Variants in PANK1 observed in about 807,000 individuals in gnomAD.
The protein encoded by PANK1 is pantothenate kinase 1.
Under a neutral mutation model 40.1 loss-of-function variants are expected in PANK1, and 18 were observed. That is an observed-to-expected ratio of 0.45 (90% CI 0.31 to 0.67). PANK1 has a LOEUF of 0.67. PANK1 is among the 30% of genes least tolerant of loss of function. The probability of loss-of-function intolerance (pLI) is 0.06; values close to 1 mark genes in which losing one functional copy is unlikely to be tolerated. For synonymous variants in PANK1, 242 were observed against 237.7 expected (o/e 1.02, Z -0.17); for missense variants, 457 against 599.6 (o/e 0.76, Z 2.48).
At chr10:89,625,611 C>T (rs1845638910) in intron 1 of PANK1, 1 of 152,164 alleles carries the variant, frequency 6.6e-6, no homozygotes, top group Non-Finnish European at 1.5e-5. Context: ...CGCAGACAGA[C>T]ATTCTTTGAT....
At chr10:89,621,729 A>C (rs11185811) in intron 1 of PANK1, among the ~76,000 whole-genome samples, 1 of 151,834 alleles carries the variant, frequency 6.6e-6, no homozygotes, top group Non-Finnish European at 1.5e-5. Flanking sequence ...TTTTACTTTT[A>C]GGGGGATGGA....
At chr10:89,603,566 T>C (rs1844850770) in intron 2 of PANK1, among the ~76,000 whole-genome samples, 1 of 152,078 alleles carries the variant, frequency 6.6e-6, no homozygotes, top group Admixed American at 6.5e-5. Context: ...TGTGGGTCAG[T>C]GGGTTAAGTT....
intron 5 of PANK1, 49 bp from the exon 6 acceptor site, chr10:89,588,826 AT>A: frequency 7.0e-7 from 1 of 1,435,676 alleles, no homozygotes; most frequent in East Asian, 2.4e-5. Flanking sequence ...TAAAAATAGC[AT>A]TTGGCAAAGA....
chr10:89,617,945 G>C (rs921359822), intron 1 of PANK1, among the ~76,000 whole-genome samples: 4 of 152,188 alleles, frequency 2.6e-5, no homozygotes, highest in Admixed American at 6.5e-5. Context: ...AACCTCTGGA[G>C]CCCTCAACTC....
chr10:89,610,541 G>T (rs1845121975), intron 2 of PANK1, among the ~76,000 whole-genome samples: 1 of 152,038 alleles, frequency 6.6e-6, no homozygotes, highest in Admixed American at 6.5e-5. Context: ...TGCCCTTACA[G>T]AAACTTACTA....
chr10:89,597,825 A>C (rs1465760722), intron 3 of PANK1, among the ~76,000 whole-genome samples: 2 of 152,232 alleles, frequency 1.3e-5, no homozygotes, highest in African/African-American at 4.8e-5. Context: ...ACTCAGCTGA[A>C]ATATTCATGT....
Position 89,645,029 on chromosome 10 carries a change from G to C in PANK1, c.-138C>G. The C allele has an allele frequency of 6.4e-7, 1 of 1,566,090 alleles. No homozygotes were observed. Among genetic ancestry groups the C allele is most frequent in the Non-Finnish European group, 8.6e-7 (1 of 1,160,206 alleles). On this transcript the variant is annotated 5_prime_UTR_variant, in exon 1 of 7. Transcript: ENST00000307534. ...CGCAGAGCCGGCGCCTGGGGATGGC[G>C]AACCCGGCGCTCCTCCCCTCCTCCT...
chr10:89,584,250 A>C lies in PANK1; in HGVS notation c.*156T>G. The C allele has an allele frequency of 1.7e-6, 1 of 605,004 alleles. No homozygotes were observed. Among genetic ancestry groups the C allele is most frequent in the South Asian group, 2.6e-5 (1 of 38,424 alleles). 37.5% of individuals were successfully genotyped at this position (605,004 alleles called of 1,614,324 possible). On this transcript the variant is annotated 3_prime_UTR_variant, in exon 7 of 7. Coordinates refer to ENST00000307534, the MANE Select transcript of PANK1 (RefSeq NM_148977.3). Reference sequence around the variant, plus strand: ...ATCATTAGCTCAAAACCTAAGAGTAAAAGATCATCTGGAAGGATTTTAAAT... The same window carrying C: ...ATCATTAGCTCAAAACCTAAGAGTACAAGATCATCTGGAAGGATTTTAAAT...
intron 1 of PANK1, among the ~76,000 whole-genome samples, chr10:89,630,669 T>A (rs1403831009): frequency 6.6e-6 from 1 of 152,122 alleles, no homozygotes; most frequent in Non-Finnish European, 1.5e-5. Flanking sequence ...ATTTTTTGTA[T>A]TTTTAGTAGA....
chr10:89,598,237 A>C (rs1170599326), intron 3 of PANK1, among the ~76,000 whole-genome samples: 1 of 152,216 alleles, frequency 6.6e-6, no homozygotes, highest in Non-Finnish European at 1.5e-5. Flanking sequence ...ATCACAAGTC[A>C]TGGAAATGTA....
At chr10:89,623,594 C>T (rs920585427) in intron 1 of PANK1, among the ~76,000 whole-genome samples, 1 of 151,816 alleles carries the variant, frequency 6.6e-6, no homozygotes, top group African/African-American at 2.4e-5. Context: ...TTCTTAAAAA[C>T]TTCTCTGTAA....
At chr10:89,592,609 C>T (rs1844432224) in intron 5 of PANK1, 4 of 449,346 alleles carry the variant, frequency 8.9e-6, no homozygotes, top group South Asian at 4.8e-5. Flanking sequence ...CTTTATACAC[C>T]TTGTATTTCA....
At chr10:89,606,909 T>TTG (rs1844982562) in intron 2 of PANK1, among the ~76,000 whole-genome samples, 1 of 152,226 alleles carries the variant, frequency 6.6e-6, no homozygotes, top group South Asian at 2.1e-4. Flanking sequence ...TGGATTAGAC[T>TTG]TTGGCTTAAG....
chr10:89,614,137 T>C (rs1026508120), intron 1 of PANK1: 7 of 413,968 alleles, frequency 1.7e-5, no homozygotes, highest in African/African-American at 1.4e-4. Context: ...TGTTAACAAG[T>C]GCCTGGGCTA....
intron 1 of PANK1, among the ~76,000 whole-genome samples, chr10:89,612,595 A>T (rs541092774): frequency 8.5e-5 from 13 of 152,342 alleles, no homozygotes; most frequent in Admixed American, 5.2e-4. Flanking sequence ...AGAAGATGTG[A>T]TTCCACTGTT....
intron 1 of PANK1, among the ~76,000 whole-genome samples, chr10:89,633,462 A>C (rs1156397565): frequency 1.3e-5 from 2 of 152,204 alleles, no homozygotes; most frequent in Non-Finnish European, 2.9e-5. Context: ...AGAAGATCTG[A>C]TTATCTCCTT....
intron 2 of PANK1, among the ~76,000 whole-genome samples, chr10:89,604,593 C>T (rs75741871): frequency 2.1e-5 from 3 of 145,138 alleles, no homozygotes; most frequent in African/African-American, 7.7e-5. Context: ...ACTTGGGAGG[C>T]TGGGGTAGGA....
At chr10:89,629,612 C>T (rs1841573267) in intron 1 of PANK1, among the ~76,000 whole-genome samples, 1 of 152,164 alleles carries the variant, frequency 6.6e-6, no homozygotes, top group Admixed American at 6.5e-5. Context: ...TCTCATTTTA[C>T]AAATCACATC....
chr10:89,638,279 G>A (rs1023875228), intron 1 of PANK1, among the ~76,000 whole-genome samples: 2 of 152,210 alleles, frequency 1.3e-5, no homozygotes, highest in African/African-American at 4.8e-5. Flanking sequence ...GTCTATATGT[G>A]GGGCATGACT....
Sources: gnomAD v4.1 joint callset for allele counts (sites outside exome capture counted in the v4.1 genomes callset) on GRCh38, gnomAD v4.1.1 for gene constraint, MANE v1.5 for transcripts, NCBI Gene and HGNC (gene_info 2026-07-23, HGNC 2026-07-21) for gene names.